The following PEX26 variants were observed in gnomAD, a reference collection of about 807,000 sequenced individuals.
The protein encoded by PEX26 is peroxisome assembly protein 26.
Under a neutral mutation model 31.4 loss-of-function variants are expected in PEX26, and 18 were observed. The observed-to-expected ratio is 0.57, with a 90% confidence interval of 0.40 to 0.85. PEX26 has a LOEUF of 0.85. Ranked by LOEUF, PEX26 falls within the 40% of genes least tolerant of loss-of-function variation. The probability of loss-of-function intolerance (pLI) is 0.00; values close to 1 mark genes in which losing one functional copy is unlikely to be tolerated. For missense variants in PEX26, 377 were observed against 383.9 expected (o/e 0.98, Z 0.15); for synonymous variants, 176 against 166.9 (o/e 1.05, Z -0.42).
In PEX26 at chr22:18,083,437, C is replaced by T. The variant is rs757544348; in HGVS notation, c.372C>T (p.Cys124=). 1 of 1,613,772 alleles carries T rather than the reference C, an allele frequency of 6.2e-7. No homozygotes were observed. The highest frequency in any genetic ancestry group is 1.1e-5 in the South Asian group (1 of 90,934). ...GGATTGGGTTTTTTGGGGACTGCAG[C>T]ATTCTTTTATACAGCAAAATGCAAG... ...EKLPPKVLEL[C]ILLYSKMQEP... The change falls in exon 3 of 5, where the codon TGC becomes TGT. Residue 124 remains cysteine (C), a splice_region_variant and synonymous_variant. Transcript: ENST00000399744.
intron 2 of PEX26, among the ~76,000 whole-genome samples, chr22:18,083,158 T>C (rs1926686389): frequency 6.6e-6 from 1 of 152,218 alleles, no homozygotes; most frequent in Non-Finnish European, 1.5e-5. Flanking sequence ...TTGCTCTGGC[T>C]ATGACCTCCA....
In PEX26 at chr22:18,095,829, T is replaced by C. The variant is rs1569192465; in HGVS notation, c.*7754T>C. On this transcript the variant is annotated 3_prime_UTR_variant, in exon 5 of 5. Transcript: ENST00000399744. ...CAGACCCATAATGCCCAAGTTTGTA[T>C]CTTTTTTTTTTGAGACAGAGTCTCA... 7.5e-6 allele frequency: 1 copy of C among 132,838 alleles called. No individual in the cohort carries two copies. The highest frequency in any genetic ancestry group is 1.6e-5 in the Non-Finnish European group (1 of 62,436). The allele number at this position is 132,838 out of a possible 1,614,324, so 8.2% of individuals were successfully genotyped here.
Position 18,082,062 on chromosome 22 carries a change from G to GTTTT in PEX26, c.372-1362_372-1359dup, listed in dbSNP as rs10627489. Among the ~76,000 whole-genome samples, 17 of 99,384 alleles carry GTTTT rather than the reference G, an allele frequency of 1.7e-4. 1 individual carries two copies. The highest frequency in any genetic ancestry group is 2.8e-4 in the Admixed American group (3 of 10,728). 65.2% of individuals were successfully genotyped at this position (99,384 alleles called of 152,430 possible). On this transcript the variant is annotated intron_variant, in intron 2 of 4. Coordinates refer to ENST00000399744, the MANE Select transcript of PEX26 (RefSeq NM_001127649.3). The stretch of plus-strand genomic sequence containing the variant: ...GAGGTCTTTTTCCCTTTTGAATCAG[G>GTTTT]TTTTTTTTTTTTTTTTCTGCTGTTA...
rs1927344279 is a variant in PEX26, at chr22:18,097,949, A to G, written c.*9874A>G. 6.6e-6 allele frequency: 1 copy of G among 152,280 alleles called. No individual in the cohort carries two copies. The allele number at this position is 152,280 out of a possible 1,614,324, so 9.4% of individuals were successfully genotyped here. ...TTCTAGAGGCCAGGTGCAGTGGCCC[A>G]TGCCCGTAATCCCACCACTTTGGGT... On this transcript the variant is annotated 3_prime_UTR_variant, in exon 5 of 5. Coordinates refer to ENST00000399744, the MANE Select transcript of PEX26 (RefSeq NM_001127649.3).
At position 18,094,174 on chromosome 22, in the gene PEX26, G is replaced by T. The variant is rs2123672086; in HGVS notation, c.*6099G>T. 6.6e-6 allele frequency: 1 copy of T among 152,110 alleles called. No individual in the cohort carries two copies. Among genetic ancestry groups the T allele is most frequent in the East Asian group, 1.9e-4 (1 of 5,176 alleles). 9.4% of individuals were successfully genotyped at this position (152,110 alleles called of 1,614,324 possible). On this transcript the variant is annotated 3_prime_UTR_variant, in exon 5 of 5. Transcript: ENST00000399744. ...CAGATAATAGCAGAGACTTGGTGAA[G>T]AAATGAAAGCACTTTTGTAGAAGAG...
At position 18,093,949 on chromosome 22, in the gene PEX26, T is replaced by C. The variant is rs1413536907; in HGVS notation, c.*5874T>C. On this transcript the variant is annotated 3_prime_UTR_variant, in exon 5 of 5. Coordinates refer to ENST00000399744, the MANE Select transcript of PEX26 (RefSeq NM_001127649.3). ...TGCAGGTGAAGATGGGATTGTGAAG[T>C]ACAGTCCAAGGCCCACTCACCAAGG... The C allele has an allele frequency of 1.3e-5, 2 of 152,410 alleles. No individual in the cohort carries two copies. The highest frequency in any genetic ancestry group is 3.9e-4 in the East Asian group (2 of 5,186). 9.4% of individuals were successfully genotyped at this position (152,410 alleles called of 1,614,324 possible). A position where few individuals can be genotyped will look rare whatever the true frequency, so the allele number is the denominator to read the frequency against.
Position 18,082,589 on chromosome 22 carries a change from T to C in PEX26, c.372-848T>C, listed in dbSNP as rs373740339. On this transcript the variant is annotated intron_variant, in intron 2 of 4. Transcript: ENST00000399744. ...GTTTTTATGCCATAACATGCTGTTA[T>C]GGTTACTGTTATAGCTTTGTGTAGT... 4.1e-4 allele frequency among the ~76,000 whole-genome samples: 63 copies of C among 152,322 alleles called. 1 individual carries two copies. In the South Asian group the frequency reaches 0.013, roughly 31 times the overall value.
intron 2 of PEX26, among the ~76,000 whole-genome samples, chr22:18,080,393 A>C (rs1347897372): frequency 6.6e-6 from 1 of 152,222 alleles, no homozygotes; most frequent in Non-Finnish European, 1.5e-5. Context: ...GCAGTGGCAC[A>C]GTCTCTGCTC....
At position 18,094,043 on chromosome 22, in the gene PEX26, T is replaced by TA. The variant is rs1040910663; in HGVS notation, c.*5969dup. The TA allele has an allele frequency of 1.3e-5, 2 of 152,254 alleles. No homozygotes were observed. The highest frequency in any genetic ancestry group is 2.9e-5 in the Non-Finnish European group (2 of 68,074). The allele number at this position is 152,254 out of a possible 1,614,324, so 9.4% of individuals were successfully genotyped here. A position where few individuals can be genotyped will look rare whatever the true frequency, so the allele number is the denominator to read the frequency against. On this transcript the variant is annotated 3_prime_UTR_variant, in exon 5 of 5. Transcript: ENST00000399744. ...CAATTTTAATATTGACCTGAGCTCA[T>TA]ATTTAGCTCTACATGTTTCCCAGCT...
Position 18,078,442 on chromosome 22 carries a change from C to A in PEX26, c.66C>A (p.Ser22Arg). ...LRGLGGPLRS[S>R]EPVRAVPARA... is the part of the protein sequence containing the mutation. Reference sequence around the variant, plus strand: ...GGCTCGGGGGACCCCTGCGCAGCAGCGAGCCGGTGCGCGCGGTCCCGGCCC... The same window carrying A: ...GGCTCGGGGGACCCCTGCGCAGCAGAGAGCCGGTGCGCGCGGTCCCGGCCC... The change falls in exon 1 of 5, where the codon AGC (serine) becomes AGA (arginine). Residue 22 changes from serine (S) to arginine (R), a missense_variant. By Grantham distance (110) the Ser-to-Arg change is moderately radical. Coordinates refer to ENST00000399744, the MANE Select transcript of PEX26 (RefSeq NM_001127649.3). The A allele has an allele frequency of 1.3e-6, 2 of 1,566,502 alleles. No individual in the cohort carries two copies. Among genetic ancestry groups the A allele is most frequent in the Admixed American group, 1.9e-5 (1 of 52,440 alleles).
Position 18,098,053 on chromosome 22 carries a change from A to G in PEX26, c.*9978A>G, listed in dbSNP as rs1218392073. On this transcript the variant is annotated 3_prime_UTR_variant, in exon 5 of 5. Transcript: ENST00000399744. ...TGATGAAACCCCATCTCTTCAAAAA[A>G]TCTAAAAATTAGCTGGGTGTGGTGG... The G allele has an allele frequency of 6.6e-6, 1 of 152,110 alleles. No homozygotes were observed. The highest frequency in any genetic ancestry group is 1.5e-5 in the Non-Finnish European group (1 of 68,026). 9.4% of individuals were successfully genotyped at this position (152,110 alleles called of 1,614,324 possible). A position where few individuals can be genotyped will look rare whatever the true frequency, so the allele number is the denominator to read the frequency against.
Position 18,090,098 on chromosome 22 carries a change from T to A in PEX26, c.*2023T>A, listed in dbSNP as rs1214243347. 2.0e-5 allele frequency: 3 copies of A among 152,202 alleles called. No individual in the cohort carries two copies. The highest frequency in any genetic ancestry group is 4.8e-5 in the African/African-American group (2 of 41,454). The allele number at this position is 152,202 out of a possible 1,614,324, so 9.4% of individuals were successfully genotyped here. ...GGTTCAAGTCTGTAGGAAGCAAATC[T>A]ATACTTTTTTATATGGGCTTTTAAG... On this transcript the variant is annotated 3_prime_UTR_variant, in exon 5 of 5. Coordinates refer to ENST00000399744, the MANE Select transcript of PEX26 (RefSeq NM_001127649.3).
At chr22:18,085,788 C>G (rs963274389) in intron 4 of PEX26, among the ~76,000 whole-genome samples, 1 of 152,084 alleles carries the variant, frequency 6.6e-6, no homozygotes, top group Non-Finnish European at 1.5e-5. Context: ...AGGAGAATAG[C>G]TTGAACCCGG....
intron 4 of PEX26, 118 bp downstream of exon 4, chr22:18,085,376 T>A: frequency 9.6e-7 from 1 of 1,042,386 alleles, no homozygotes. Flanking sequence ...CCTATGACAT[T>A]TCCCCTGAGT....
At position 18,078,261 on chromosome 22, in the gene PEX26, G is replaced by A. The variant is rs1225805343; in HGVS notation, c.-116G>A. On this transcript the variant is annotated 5_prime_UTR_variant, in exon 1 of 5. Transcript: ENST00000399744. ...GGGAATCGACCTCGGGAAGGGGTGTGGGCAAAGAGATGAGGACTCTCCCTC... is the reference window on the plus strand; with the variant it reads ...GGGAATCGACCTCGGGAAGGGGTGTAGGCAAAGAGATGAGGACTCTCCCTC... The A allele has an allele frequency of 3.8e-6, 3 of 787,848 alleles. No individual in the cohort carries two copies. The highest frequency in any genetic ancestry group is 2.0e-5 in the Admixed American group (1 of 50,116). 48.8% of individuals were successfully genotyped at this position (787,848 alleles called of 1,614,324 possible).
At chr22:18,086,518 T>C (rs1181271497) in intron 4 of PEX26, among the ~76,000 whole-genome samples, 2 of 152,060 alleles carry the variant, frequency 1.3e-5, no homozygotes, top group African/African-American at 2.4e-5. Flanking sequence ...AACATTTGGG[T>C]GATTATTCTG....
intron 4 of PEX26, among the ~76,000 whole-genome samples, chr22:18,086,115 T>C (rs146810144): frequency 0.026 from 3,891 of 152,088 alleles, 145 homozygotes; most frequent in African/African-American, 0.082. Context: ...CTGGCCAATA[T>C]GGTGAAACCC....
At chr22:18,081,158 TATATATATA>T (rs1926569970) in intron 2 of PEX26, among the ~76,000 whole-genome samples, 2 of 158 alleles carry the variant, frequency 0.013, no homozygotes, top group Non-Finnish European at 0.018. Flanking sequence ...CCATTATATA[TATATATATA>T]TATATATATG....
chr22:18,092,411 C>T lies in PEX26; in HGVS notation c.*4336C>T, dbSNP rs999683325. 3.3e-5 allele frequency: 5 copies of T among 152,272 alleles called. No individual in the cohort carries two copies. The highest frequency in any genetic ancestry group is 9.6e-5 in the African/African-American group (4 of 41,460). 9.4% of individuals were successfully genotyped at this position (152,272 alleles called of 1,614,324 possible). Reference sequence around the variant, plus strand: ...GCACGGTGCCTAGCAGCCTGTCGCGCCCCCGCCCGCCTCTGCATTCCTCCA... The same window carrying T: ...GCACGGTGCCTAGCAGCCTGTCGCGTCCCCGCCCGCCTCTGCATTCCTCCA... On this transcript the variant is annotated 3_prime_UTR_variant, in exon 5 of 5. Coordinates refer to ENST00000399744, the MANE Select transcript of PEX26 (RefSeq NM_001127649.3).
Sources: gnomAD v4.1 joint callset for allele counts (sites outside exome capture counted in the v4.1 genomes callset) on GRCh38, gnomAD v4.1.1 for gene constraint, MANE v1.5 for transcripts, NCBI Gene and HGNC (gene_info 2026-07-23, HGNC 2026-07-21) for gene names.